SLIT3: variants seen among roughly 807,000 people sequenced by gnomAD.
SLIT3 encodes slit homolog 3 protein.
Under a neutral mutation model 184.0 loss-of-function variants are expected in SLIT3, and 68 were observed. That is an observed-to-expected ratio of 0.37 (90% CI 0.30 to 0.45). SLIT3 has a LOEUF of 0.45. SLIT3 is among the 20% of genes least tolerant of loss of function. SLIT3 has a pLI of 1.00. For synonymous variants in SLIT3, 831 were observed against 828.6 expected (o/e 1.00, Z -0.05); for missense variants, 1,707 against 2,026.0 (o/e 0.84, Z 3.02).
At chr5:169,027,720 C>T (rs540200526) in intron 4 of SLIT3, among the ~76,000 whole-genome samples, 40 of 152,298 alleles carry the variant, frequency 2.6e-4, no homozygotes, top group African/African-American at 8.4e-4. Context: ...TTGGCCGCAG[C>T]GGTTCTGCTT....
rs374132998 is a variant in SLIT3 at position 168,662,189 on chromosome 5, A to G, written c.*4265T>C. 30 of 152,378 alleles carry G rather than the reference A, an allele frequency of 2.0e-4. No individual in the cohort carries two copies. The highest frequency in any genetic ancestry group is 5.3e-4 in the African/African-American group (22 of 41,584). The allele number at this position is 152,378 out of a possible 1,614,324, so 9.4% of individuals were successfully genotyped here. ...TTAATTATCTGTGTGTCTTTGGTCT[A>G]TGATCACCGCATTCTTCCATTTGTT... On this transcript the variant is annotated 3_prime_UTR_variant, in exon 36 of 36. Coordinates refer to ENST00000519560, the MANE Select transcript of SLIT3 (RefSeq NM_003062.4).
chr5:168,810,013 T>C (rs1055084586), intron 8 of SLIT3, among the ~76,000 whole-genome samples: 1 of 152,150 alleles, frequency 6.6e-6, no homozygotes, highest in African/African-American at 2.4e-5. Context: ...CTGGGGCCCC[T>C]CTGAGCCTAT....
chr5:169,217,147 A>C (rs1581065920), intron 3 of SLIT3, among the ~76,000 whole-genome samples: 1 of 151,796 alleles, frequency 6.6e-6, no homozygotes, highest in East Asian at 1.9e-4. Context: ...AAAAAAAAAA[A>C]AAAAACTTAG....
chr5:169,143,274 A>G (rs1029546461), intron 4 of SLIT3, among the ~76,000 whole-genome samples: 2 of 152,204 alleles, frequency 1.3e-5, no homozygotes, highest in African/African-American at 4.8e-5. Flanking sequence ...CAGTTTGCTA[A>G]GGGCATTCCA....
intron 1 of SLIT3, among the ~76,000 whole-genome samples, chr5:169,298,533 C>A (rs776518059): frequency 2.0e-5 from 3 of 152,134 alleles, no homozygotes; most frequent in Non-Finnish European, 4.4e-5. Context: ...TTGCGAGACC[C>A]CAAGCAGCAG....
intron 4 of SLIT3, among the ~76,000 whole-genome samples, chr5:168,974,780 C>T (rs2113335841): frequency 6.6e-6 from 1 of 152,348 alleles, no homozygotes; most frequent in South Asian, 2.1e-4. Flanking sequence ...ATGCCAACCT[C>T]TCCTCCAAAA....
chr5:169,068,193 A>C (rs1195854105), intron 4 of SLIT3, among the ~76,000 whole-genome samples: 1 of 152,196 alleles, frequency 6.6e-6, no homozygotes, highest in Non-Finnish European at 1.5e-5. Context: ...AACTCTCACT[A>C]TGTTTTAAGA....
chr5:168,956,661 G>A (rs1444654242), intron 4 of SLIT3, among the ~76,000 whole-genome samples: 1 of 151,838 alleles, frequency 6.6e-6, no homozygotes, highest in Non-Finnish European at 1.5e-5. Flanking sequence ...GGCCGTGGTG[G>A]CGGGCGCCTG....
rs774614436 is a variant in SLIT3 at position 168,685,877 on chromosome 5, G to T, written c.3365C>A (p.Pro1122Gln). 7 of 1,613,794 alleles carry T rather than the reference G, an allele frequency of 4.3e-6. No homozygotes were observed. Among genetic ancestry groups the T allele is most frequent in the East Asian group, 4.5e-5 (2 of 44,878 alleles). The change falls in exon 31 of 36, where the codon CCA becomes CAA. Residue 1122 changes from proline to glutamine, a missense_variant. Coordinates refer to ENST00000519560, the MANE Select transcript of SLIT3 (RefSeq NM_003062.4). ...PPPMVLLQTSPCDQYECQNGA... is the reference protein window; with the variant it reads ...PPPMVLLQTSQCDQYECQNGA... ...GTTCTGGCACTCGTACTGGTCGCATGGGCTGGTCTGCAGTAGGACCATGGG... is the reference window on the plus strand; with the variant it reads ...GTTCTGGCACTCGTACTGGTCGCATTGGCTGGTCTGCAGTAGGACCATGGG...
chr5:168,951,801 T>G (rs1392963984), intron 4 of SLIT3, among the ~76,000 whole-genome samples: 4 of 152,226 alleles, frequency 2.6e-5, no homozygotes, highest in African/African-American at 9.6e-5. Context: ...TGTCTCTGTC[T>G]ATCCCTATAA....
chr5:169,229,642 T>TTCTCTCTCTCTCTCTCTCTCTCTCTC (rs60056409), intron 3 of SLIT3, among the ~76,000 whole-genome samples: 16 of 148,224 alleles, frequency 1.1e-4, no homozygotes, highest in African/African-American at 4.0e-4. Flanking sequence ...AAATAAATTC[T>TTCTCTCTCTCTCTCTCTCTCTCTCTC]TCTCTCTCTC....
At chr5:168,734,382 C>A (rs968156336) in intron 20 of SLIT3, among the ~76,000 whole-genome samples, 3 of 152,158 alleles carry the variant, frequency 2.0e-5, no homozygotes, top group Admixed American at 1.3e-4. Context: ...ACTCCACTGG[C>A]CTTAACCTTC....
chr5:169,040,729 A>T (rs1355140257), intron 4 of SLIT3, among the ~76,000 whole-genome samples: 2 of 152,230 alleles, frequency 1.3e-5, no homozygotes, highest in Non-Finnish European at 2.9e-5. Flanking sequence ...AAAATCTCCT[A>T]GGACTCTCCA....
intron 5 of SLIT3, among the ~76,000 whole-genome samples, chr5:168,860,083 G>A (rs7717597): frequency 0.11 from 16,844 of 152,170 alleles, 980 homozygotes; most frequent in East Asian, 0.22. Context: ...GGAGATTCCA[G>A]CCCTCTGGGT....
intron 4 of SLIT3, among the ~76,000 whole-genome samples, chr5:169,046,871 C>T (rs1757642437): frequency 6.6e-6 from 1 of 152,218 alleles, no homozygotes; most frequent in Non-Finnish European, 1.5e-5. Context: ...GCCCTCTCTC[C>T]AGGCCTGTGC....
chr5:168,774,260 C>T lies in SLIT3; in HGVS notation c.1270G>A (p.Ala424Thr), dbSNP rs147898834. Reference sequence around the variant, plus strand: ...AGTGTCTGGATGGACTGCAGAGGGGCGAAGAGCCCCTTGCTGATGGTCTGC... The same window carrying T: ...AGTGTCTGGATGGACTGCAGAGGGGTGAAGAGCCCCTTGCTGATGGTCTGC... Reference protein sequence around the residue: ...KLQTISKGLFAPLQSIQTLHL... With the variant: ...KLQTISKGLFTPLQSIQTLHL... The change falls in exon 13 of 36, where the codon GCC becomes ACC. Residue 424 changes from alanine to threonine, a missense_variant. Coordinates refer to ENST00000519560, the MANE Select transcript of SLIT3 (RefSeq NM_003062.4). 1.3e-4 allele frequency: 207 copies of T among 1,613,240 alleles called. No individual in the cohort carries two copies. Among genetic ancestry groups the T allele is most frequent in the Non-Finnish European group, 1.5e-4 (182 of 1,179,602 alleles).
chr5:169,006,601 TCTCTCACA>T (rs1373316315), intron 4 of SLIT3, among the ~76,000 whole-genome samples: 6 of 149,082 alleles, frequency 4.0e-5, no homozygotes, highest in African/African-American at 1.0e-4. Flanking sequence ...TCTCTCTCTC[TCTCTCACA>T]CACACACACA....
At chr5:169,013,998 G>T (rs567212865) in intron 4 of SLIT3, among the ~76,000 whole-genome samples, 1 of 152,160 alleles carries the variant, frequency 6.6e-6, no homozygotes, top group Non-Finnish European at 1.5e-5. Context: ...GGATGAGGGA[G>T]AAGGATAAAA....
At chr5:168,748,256 T>C in intron 20 of SLIT3, 46 bp downstream of exon 20, 2 of 1,438,320 alleles carry the variant, frequency 1.4e-6, no homozygotes, top group Non-Finnish European at 1.8e-6. Flanking sequence ...AGGATGCTGC[T>C]GGTGGTGAGA....
Sources: gnomAD v4.1 joint callset for allele counts (sites outside exome capture counted in the v4.1 genomes callset) on GRCh38, gnomAD v4.1.1 for gene constraint, MANE v1.5 for transcripts, NCBI Gene and HGNC (gene_info 2026-07-23, HGNC 2026-07-21) for gene names.